Variants in NPHP1 observed in about 807,000 individuals in gnomAD.
NPHP1 encodes the protein nephrocystin 1.
A neutral mutation model predicts 90.4 loss-of-function variants in NPHP1; 70 were observed. That is an observed-to-expected ratio of 0.77 (90% CI 0.64 to 0.95). The LOEUF (loss-of-function observed/expected upper bound fraction) is 0.95, where lower values mean the gene tolerates loss of function less well. Ranked by LOEUF, NPHP1 falls within the 40% of genes least tolerant of loss-of-function variation. The pLI is 0.00. For missense variants in NPHP1, 764 were observed against 795.9 expected, an observed-to-expected ratio of 0.96 and a Z score of 0.48; for synonymous variants, 256 against 271.7, an observed-to-expected ratio of 0.94 and a Z score of 0.57.
intron 2 of NPHP1, chr2:110,184,465 T>C: frequency 1.3e-6 from 1 of 780,486 alleles, no homozygotes; most frequent in Non-Finnish European, 2.1e-6. Flanking sequence ...GTGCCTGCTA[T>C]TTTCATCTCC....
chr2:110,143,252 A>G (rs1680779596), intron 16 of NPHP1, among the ~76,000 whole-genome samples: 1 of 152,184 alleles, frequency 6.6e-6, no homozygotes, highest in South Asian at 2.1e-4. Flanking sequence ...ACATTTAAAA[A>G]AGTTCCCTGA....
intron 11 of NPHP1, among the ~76,000 whole-genome samples, chr2:110,156,677 G>C (rs1356146063): frequency 6.6e-6 from 1 of 151,986 alleles, no homozygotes; most frequent in Non-Finnish European, 1.5e-5. Context: ...GGGTGGGGTG[G>C]TCCAAGAGGA....
chr2:110,162,894 C>G (rs143787130), intron 9 of NPHP1, among the ~76,000 whole-genome samples, 154 bp downstream of exon 9: 110 of 152,248 alleles, frequency 7.2e-4, no homozygotes, highest in Middle Eastern at 3.4e-3. Flanking sequence ...GATCTTTCCT[C>G]ACTGTCATAG....
At chr2:110,134,232 G>T (rs1242646111) in intron 16 of NPHP1, among the ~76,000 whole-genome samples, 2 of 151,960 alleles carry the variant, frequency 1.3e-5, no homozygotes, top group African/African-American at 4.8e-5. Context: ...ATGCCAACAA[G>T]TTGGATGACC....
intron 14 of NPHP1, 92 bp downstream of exon 14, chr2:110,146,661 G>T: frequency 1.1e-6 from 1 of 918,428 alleles, no homozygotes; most frequent in Admixed American, 1.7e-5. Context: ...AAAGTTATTG[G>T]CATGCTCATA....
At chr2:110,185,094 C>A in intron 2 of NPHP1, 1 of 589,080 alleles carries the variant, frequency 1.7e-6, no homozygotes, top group Non-Finnish European at 3.3e-6. Flanking sequence ...TCTATCCTTG[C>A]CTCCATGACA....
At chr2:110,164,487 C>CAA (rs376683260) in intron 8 of NPHP1, 14,839 of 856,072 alleles carry the variant, frequency 0.017, no homozygotes, top group Non-Finnish European at 0.019. Flanking sequence ...TCTTTTTGTA[C>CAA]AAAAAAAAAA....
intron 2 of NPHP1, chr2:110,184,765 G>C: frequency 5.6e-6 from 4 of 713,472 alleles, no homozygotes; most frequent in Non-Finnish European, 1.1e-5. Flanking sequence ...ACCCCCAGAA[G>C]GAAGAGACAC....
intron 11 of NPHP1, among the ~76,000 whole-genome samples, chr2:110,151,168 G>GAAAAAAAAAAAAAA: frequency 8.6e-6 from 1 of 116,478 alleles, no homozygotes; most frequent in Non-Finnish European, 1.7e-5. Context: ...TCAGTCTCAA[G>GAAAAAAAAAAAAAA]AAAAAAAAAA....
chr2:110,200,563 A>G (rs1685511277), intron 2 of NPHP1, among the ~76,000 whole-genome samples: 1 of 152,210 alleles, frequency 6.6e-6, no homozygotes, highest in African/African-American at 2.4e-5. Context: ...ATTTAGTCTC[A>G]AAAAATAAAA....
rs1241666883 is a variant in NPHP1, at chr2:110,196,225, G to C, written c.143+5196C>G. 5.3e-5 allele frequency among the ~76,000 whole-genome samples: 8 copies of C among 151,736 alleles called. No homozygotes were observed. In the East Asian group the frequency reaches 1.6e-3, roughly 30 times the overall value. ...CATCAGAGTGAACAGGCAACCTACA[G>C]AATGGGAGAAAATTGTTGCAATCTA... On this transcript the variant is annotated intron_variant, in intron 2 of 19. Coordinates refer to ENST00000445609, the MANE Select transcript of NPHP1 (RefSeq NM_001128178.3).
intron 2 of NPHP1, among the ~76,000 whole-genome samples, chr2:110,196,640 T>A (rs1685187090): frequency 6.6e-6 from 1 of 152,160 alleles, no homozygotes; most frequent in South Asian, 2.1e-4. Flanking sequence ...TTGACCCAAC[T>A]GTCCCATTAC....
chr2:110,158,374 A>G (rs1281184743), intron 11 of NPHP1, among the ~76,000 whole-genome samples: 2 of 152,042 alleles, frequency 1.3e-5, no homozygotes, highest in African/African-American at 2.4e-5. Context: ...TGCTTGTCCT[A>G]TATTACTGAG....
intron 4 of NPHP1, 28 bp downstream of exon 4, chr2:110,178,394 GA>G (rs779674098): frequency 1.1e-5 from 18 of 1,610,352 alleles, no homozygotes; most frequent in Middle Eastern, 1.6e-4. Flanking sequence ...CTTTAAAAAA[GA>G]AAAAAGAAAG....
At chr2:110,130,263 T>C (rs1379836032) in intron 17 of NPHP1, among the ~76,000 whole-genome samples, 3 of 152,216 alleles carry the variant, frequency 2.0e-5, no homozygotes, top group Admixed American at 1.3e-4. Context: ...AAGGGCAAGG[T>C]ATTCTATAAT....
intron 8 of NPHP1, 133 bp from the exon 9 acceptor site, chr2:110,163,268 G>T: frequency 1.4e-6 from 1 of 711,332 alleles, no homozygotes. Context: ...AGAATAATAC[G>T]ATTTGGCCCC....
intron 2 of NPHP1, among the ~76,000 whole-genome samples, chr2:110,194,283 G>C (rs1353122100): frequency 6.6e-6 from 1 of 151,894 alleles, no homozygotes; most frequent in Non-Finnish European, 1.5e-5. Flanking sequence ...GAAGAAAAGA[G>C]AGAAGAATCA....
intron 2 of NPHP1, among the ~76,000 whole-genome samples, chr2:110,193,720 C>T: frequency 6.6e-6 from 1 of 152,174 alleles, no homozygotes; most frequent in Non-Finnish European, 1.5e-5. Flanking sequence ...CTCAGCACCA[C>T]ACCACACCTA....
chr2:110,133,455 G>A (rs906558914), intron 16 of NPHP1, among the ~76,000 whole-genome samples: 3 of 152,050 alleles, frequency 2.0e-5, no homozygotes, highest in Non-Finnish European at 4.4e-5. Context: ...TAATAATAGA[G>A]AAGATTTCAA....
Sources: gnomAD v4.1 joint callset for allele counts (sites outside exome capture counted in the v4.1 genomes callset) on GRCh38, gnomAD v4.1.1 for gene constraint, MANE v1.5 for transcripts, NCBI Gene and HGNC (gene_info 2026-07-23, HGNC 2026-07-21) for gene names.